The following FAM13A variants were observed in gnomAD, a reference collection of about 807,000 sequenced individuals.
FAM13A encodes the protein protein FAM13A.
Under a neutral mutation model 129.6 loss-of-function variants are expected in FAM13A, and 76 were observed. The observed-to-expected ratio is 0.59, with a 90% CI of 0.49 to 0.71. FAM13A has a LOEUF of 0.71. Ranked by LOEUF, FAM13A falls within the 30% of genes least tolerant of loss-of-function variation. The pLI is 0.00. For missense variants in FAM13A, 1,108 were observed against 1,249.3 expected, an observed-to-expected ratio of 0.89 and a Z score of 1.70; for synonymous variants, 443 against 449.9, an observed-to-expected ratio of 0.98 and a Z score of 0.20.
chr4:88,769,017 A>G (rs147160897), intron 11 of FAM13A, among the ~76,000 whole-genome samples: 29 of 152,262 alleles, frequency 1.9e-4, no homozygotes, highest in Admixed American at 2.0e-4. Context: ...ATTTTGTTGA[A>G]CTCAGATTTA....
intron 7 of FAM13A, among the ~76,000 whole-genome samples, chr4:88,808,461 C>T (rs1220159062): frequency 1.3e-5 from 2 of 152,078 alleles, no homozygotes; most frequent in Non-Finnish European, 2.9e-5. Flanking sequence ...TTTCTGTTTT[C>T]GTGTCAATCT....
intron 13 of FAM13A, among the ~76,000 whole-genome samples, chr4:88,761,601 C>T (rs1744828657): frequency 6.6e-6 from 1 of 152,054 alleles, no homozygotes; most frequent in Non-Finnish European, 1.5e-5. Context: ...GAGAGCGTGG[C>T]ATGCTGGGCC....
intron 6 of FAM13A, among the ~76,000 whole-genome samples, chr4:88,881,731 A>G (rs1743606327): frequency 6.6e-6 from 1 of 152,192 alleles, no homozygotes; most frequent in African/African-American, 2.4e-5. Flanking sequence ...AAAAAAAATG[A>G]TATAACATAT....
chr4:88,939,572 T>C (rs1469837456), intron 4 of FAM13A, among the ~76,000 whole-genome samples: 2 of 152,194 alleles, frequency 1.3e-5, no homozygotes, highest in Non-Finnish European at 2.9e-5. Flanking sequence ...CTATTTAACC[T>C]ACTAGACTAT....
chr4:89,012,903 G>A (rs1765920627), intron 3 of FAM13A, among the ~76,000 whole-genome samples: 2 of 151,952 alleles, frequency 1.3e-5, no homozygotes, highest in African/African-American at 4.8e-5. Flanking sequence ...ACTTGTGACA[G>A]AATACCAAGA....
chr4:88,822,020 AT>A (rs1219289847), intron 7 of FAM13A, among the ~76,000 whole-genome samples: 2 of 152,218 alleles, frequency 1.3e-5, no homozygotes, highest in Admixed American at 6.5e-5. Context: ...TAAAAATGAA[AT>A]TAGTTTTTGT....
intron 13 of FAM13A, among the ~76,000 whole-genome samples, chr4:88,761,690 G>A (rs1744844968): frequency 6.6e-6 from 1 of 152,178 alleles, no homozygotes; most frequent in Admixed American, 6.5e-5. Flanking sequence ...TGTCAGCTAA[G>A]TAGATGCTGG....
chr4:88,859,650 C>A (rs1397279241), intron 6 of FAM13A, among the ~76,000 whole-genome samples: 1 of 152,176 alleles, frequency 6.6e-6, no homozygotes, highest in East Asian at 1.9e-4. Context: ...AGCAGGACTG[C>A]CAGCATGAGG....
At position 88,758,673 on chromosome 4, in the gene FAM13A, A is replaced by C. The variant is rs1744192801; in HGVS notation, c.1726+81T>G. On this transcript the variant is annotated intron_variant, in intron 14 of 23. Transcript: ENST00000264344. The stretch of plus-strand genomic sequence containing the variant: ...GCATAGCTCTTTCACCCACACTCTC[A>C]CATAGTTACATGCCTCTCATTTGTG... 5 of 1,395,962 alleles carry C rather than the reference A, an allele frequency of 3.6e-6. No homozygotes were observed. In the Admixed American group the frequency reaches 9.9e-5, roughly 28 times the overall value. The allele number at this position is 1,395,962 out of a possible 1,614,324, so 86.5% of individuals were successfully genotyped here.
chr4:88,855,910 G>A (rs7674313), intron 6 of FAM13A: 2 of 152,228 alleles, frequency 1.3e-5, no homozygotes, highest in African/African-American at 4.8e-5. Flanking sequence ...GCCATGCTAA[G>A]TGGACATGAA....
At chr4:89,036,222 G>A (rs1471877259) in intron 1 of FAM13A, among the ~76,000 whole-genome samples, 1 of 152,174 alleles carries the variant, frequency 6.6e-6, no homozygotes, top group African/African-American at 2.4e-5. Context: ...AGGCTGAGGA[G>A]GTCTCAGATG....
rs1263043903 is a variant in FAM13A at position 88,758,973 on chromosome 4, C to T, written c.1579-72G>A. Reference sequence around the variant, plus strand: ...CCCCAAGACGTCTGCAGCAATTCCACTCCTTCAGGATAAAACCTTCCAAGT... The same window carrying T: ...CCCCAAGACGTCTGCAGCAATTCCATTCCTTCAGGATAAAACCTTCCAAGT... On this transcript the variant is annotated intron_variant, in intron 13 of 23. Transcript: ENST00000264344. The T allele has an allele frequency of 3.3e-6, 5 of 1,502,326 alleles. No homozygotes were observed. In the African/African-American group the frequency reaches 6.9e-5, roughly 21 times the overall value. 93.1% of individuals were successfully genotyped at this position (1,502,326 alleles called of 1,614,324 possible). A position where few individuals can be genotyped will look rare whatever the true frequency, so the allele number is the denominator to read the frequency against.
At chr4:89,041,802 C>T (rs1221863290) in intron 1 of FAM13A, among the ~76,000 whole-genome samples, 1 of 151,876 alleles carries the variant, frequency 6.6e-6, no homozygotes, top group African/African-American at 2.4e-5. Flanking sequence ...CACCTGTAAT[C>T]CCAGCTACTC....
chr4:88,968,605 G>T (rs1013909550), intron 4 of FAM13A, among the ~76,000 whole-genome samples: 6 of 152,018 alleles, frequency 3.9e-5, no homozygotes, highest in African/African-American at 1.4e-4. Flanking sequence ...AATAACAAGG[G>T]AATCATAGAC....
Position 88,750,596 on chromosome 4 carries a change from C to A in FAM13A, c.1768G>T (p.Asp590Tyr). The part of the protein sequence containing the change: ...AFSSWQRENS[D>Y]SDEAHLSPQA... Reference sequence around the variant, plus strand: ...GGCGAGAGGTGGGCTTCATCAGAGTCACTGTTCTCCCGCTGCCAGGAGGAG... The same window carrying A: ...GGCGAGAGGTGGGCTTCATCAGAGTAACTGTTCTCCCGCTGCCAGGAGGAG... The change falls in exon 15 of 24, where the codon GAC becomes TAC. Residue 590 changes from aspartate to tyrosine, a missense_variant. Asp to Tyr is a radical substitution (Grantham distance 160). This residue lies in a region of FAM13A where 529 missense variants were observed against 621.2 expected (regional missense o/e 0.85). Transcript: ENST00000264344. 1.2e-6 allele frequency: 2 copies of A among 1,614,092 alleles called. No individual in the cohort carries two copies.
At chr4:89,056,556 T>C (rs1772215000) in intron 1 of FAM13A, among the ~76,000 whole-genome samples, 1 of 152,106 alleles carries the variant, frequency 6.6e-6, no homozygotes, top group African/African-American at 2.4e-5. Flanking sequence ...AAGTAATAAA[T>C]TAATGGTTAC....
chr4:88,929,498 C>A lies in FAM13A; in HGVS notation c.759+8590G>T, dbSNP rs569099592. ...TAGATTTTCTAAACTTTTTTTTATC[C>A]CTCTTCCCCCTCAGGAATGCCAATA... On this transcript the variant is annotated intron_variant, in intron 5 of 23. Transcript: ENST00000264344. Among the ~76,000 whole-genome samples, 8 of 151,828 alleles carry A rather than the reference C, an allele frequency of 5.3e-5. No individual in the cohort carries two copies. The South Asian group carries it at 1.5e-3, about 28-fold the overall frequency.
At chr4:88,986,124 A>C (rs544938946) in intron 4 of FAM13A, among the ~76,000 whole-genome samples, 1 of 152,120 alleles carries the variant, frequency 6.6e-6, no homozygotes, top group African/African-American at 2.4e-5. Flanking sequence ...CTTTCTCTTT[A>C]CATAATTTTC....
At chr4:88,779,779 T>C (rs1046170390) in intron 11 of FAM13A, among the ~76,000 whole-genome samples, 11 of 152,220 alleles carry the variant, frequency 7.2e-5, no homozygotes, top group African/African-American at 2.7e-4. Flanking sequence ...TCCACTTCTA[T>C]TAACTATTAC....
Sources: allele counts gnomAD v4.1 joint callset (sites outside exome capture counted in the v4.1 genomes callset), GRCh38; gene constraint gnomAD v4.1.1; regional missense constraint gnomAD v4.1.1; transcripts MANE v1.5; gene names NCBI Gene and HGNC (gene_info 2026-07-23, HGNC 2026-07-21).